Variants in PTPRD observed in about 807,000 individuals in gnomAD.
PTPRD encodes protein tyrosine phosphatase receptor type D.
In PTPRD, 34 loss-of-function variants were observed where a neutral mutation model predicts 214.5. That is an observed-to-expected ratio of 0.16 (90% CI 0.12 to 0.21). The LOEUF (loss-of-function observed/expected upper bound fraction) is 0.21, where lower values mean the gene tolerates loss of function less well. Among genes scored for constraint, PTPRD ranks in the 10% least tolerant of loss-of-function variants. The probability of loss-of-function intolerance (pLI) is 1.00; values close to 1 mark genes in which losing one functional copy is unlikely to be tolerated. For synonymous variants in PTPRD, 1,128 were observed against 845.7 expected (o/e 1.33, Z -5.79); for missense variants, 2,545 against 2,398.7 (o/e 1.06, Z -1.27).
chr9:9,064,020 T>C (rs183978968), intron 10 of PTPRD, among the ~76,000 whole-genome samples: 1 of 152,182 alleles, frequency 6.6e-6, no homozygotes. Flanking sequence ...TCAAGTTAGA[T>C]GCAAATTTTA....
chr9:9,951,530 C>A (rs1374567856), intron 4 of PTPRD, among the ~76,000 whole-genome samples: 1 of 152,204 alleles, frequency 6.6e-6, no homozygotes, highest in Non-Finnish European at 1.5e-5. Flanking sequence ...TCTTCTGAAT[C>A]CTCCTGGCTG....
At chr9:9,705,205 T>C (rs2097576531) in intron 7 of PTPRD, among the ~76,000 whole-genome samples, 1 of 152,216 alleles carries the variant, frequency 6.6e-6, no homozygotes. Context: ...AGATAATATT[T>C]CATAATGGTT....
In PTPRD at chr9:10,074,265, C is replaced by G. The variant is rs369937654; in HGVS notation, c.-544-40475G>C. 2.4e-4 allele frequency among the ~76,000 whole-genome samples: 37 copies of G among 152,190 alleles called. 2 individuals carry two copies. Among genetic ancestry groups the G allele is most frequent in the African/African-American group, 8.9e-4 (37 of 41,548 alleles). ...GCTTTATTTCTCATCTCTGCAGGCT[C>G]CTATAGTGGCCTGAGAATGTTTAGA... On this transcript the variant is annotated intron_variant, in intron 3 of 45. Transcript: ENST00000381196.
At chr9:10,421,828 A>AT (rs146179270) in intron 2 of PTPRD, among the ~76,000 whole-genome samples, 2,892 of 151,584 alleles carry the variant, frequency 0.019, 39 homozygotes, top group Non-Finnish European at 0.029. Flanking sequence ...CTATTTTTAT[A>AT]TTTTTTTCTG....
chr9:10,526,753 C>A (rs994814433), intron 2 of PTPRD, among the ~76,000 whole-genome samples: 13 of 152,048 alleles, frequency 8.5e-5, no homozygotes, highest in African/African-American at 3.1e-4. Context: ...TATTGAGGTT[C>A]CTTAAAGTTA....
intron 11 of PTPRD, among the ~76,000 whole-genome samples, chr9:8,883,706 C>T (rs573927782): frequency 1.3e-5 from 2 of 152,274 alleles, no homozygotes; most frequent in East Asian, 3.9e-4. Context: ...CCGTTGAGGA[C>T]TTTCTTTTAT....
intron 3 of PTPRD, among the ~76,000 whole-genome samples, chr9:10,195,350 T>G (rs2099393835): frequency 6.6e-6 from 1 of 152,150 alleles, no homozygotes; most frequent in Non-Finnish European, 1.5e-5. Context: ...TGCCCTCTTC[T>G]GTTTTGTTAG....
chr9:9,871,173 T>C (rs549018103), intron 5 of PTPRD, among the ~76,000 whole-genome samples: 197 of 152,268 alleles, frequency 1.3e-3, no homozygotes, highest in African/African-American at 4.3e-3. Flanking sequence ...AATAAAATAA[T>C]TTAGTCCTTA....
chr9:8,879,996 A>G lies in PTPRD; in HGVS notation c.-104+138701T>C, dbSNP rs73433170. ...CTGACTCCTTAAGTCAGAGTTTTCA[A>G]TTTAAACATTTCAACCATCTACTTG... is the stretch of plus-strand genomic sequence containing the variant. On this transcript the variant is annotated intron_variant, in intron 11 of 45. Transcript: ENST00000381196. 2.9e-3 allele frequency among the ~76,000 whole-genome samples: 443 copies of G among 152,280 alleles called. 1 individual carries two copies. The highest frequency in any genetic ancestry group is 9.8e-3 in the African/African-American group (409 of 41,546).
intron 9 of PTPRD, among the ~76,000 whole-genome samples, chr9:9,334,521 G>C (rs1345065692): frequency 6.6e-6 from 1 of 151,912 alleles, no homozygotes; most frequent in African/African-American, 2.4e-5. Flanking sequence ...TTGATGGTCT[G>C]GTGGGAAGAT....
chr9:10,563,998 A>G (rs2064825416), intron 2 of PTPRD, among the ~76,000 whole-genome samples: 1 of 151,108 alleles, frequency 6.6e-6, no homozygotes, highest in Non-Finnish European at 1.5e-5. Context: ...CCCTACCTAC[A>G]TCCTCTTTTT....
rs538930919 is a variant in PTPRD, at chr9:10,551,397, T to C, written c.-600+61001A>G. On this transcript the variant is annotated intron_variant, in intron 2 of 45. Transcript: ENST00000381196. ...TTACCACCGTGATTCATGTTCCTTG[T>C]GCTATGGTTTGAATGTCTATGTTCC... Among the ~76,000 whole-genome samples the C allele has an allele frequency of 2.0e-5, 3 of 151,844 alleles. No homozygotes were observed. In the South Asian group the frequency reaches 6.3e-4, roughly 32 times the overall value.
intron 2 of PTPRD, among the ~76,000 whole-genome samples, chr9:10,459,301 A>G (rs1031659131): frequency 6.6e-6 from 1 of 152,078 alleles, no homozygotes; most frequent in African/African-American, 2.4e-5. Flanking sequence ...TGTATTATTG[A>G]TGGGCATTTG....
chr9:10,285,833 T>C (rs544231769), intron 3 of PTPRD, among the ~76,000 whole-genome samples: 33 of 152,018 alleles, frequency 2.2e-4, no homozygotes, highest in African/African-American at 7.7e-4. Context: ...ATGGTTTCGA[T>C]CTCCTGACCT....
intron 3 of PTPRD, among the ~76,000 whole-genome samples, chr9:10,130,494 T>C (rs552619770): frequency 2.6e-5 from 4 of 152,132 alleles, no homozygotes; most frequent in Admixed American, 2.6e-4. Flanking sequence ...TGTGGGTTTT[T>C]TGAGGTCAAA....
intron 11 of PTPRD, among the ~76,000 whole-genome samples, chr9:8,818,245 A>C (rs2096963817): frequency 6.6e-6 from 1 of 152,230 alleles, no homozygotes; most frequent in Non-Finnish European, 1.5e-5. Context: ...ATTAAATGAT[A>C]GCATTTTACA....
At chr9:9,538,877 C>T (rs1311569760) in intron 8 of PTPRD, among the ~76,000 whole-genome samples, 9 of 151,732 alleles carry the variant, frequency 5.9e-5, no homozygotes, top group African/African-American at 1.5e-4. Context: ...AATATAATAA[C>T]ACTGGCATAA....
intron 2 of PTPRD, among the ~76,000 whole-genome samples, chr9:10,437,298 T>C (rs908981812): frequency 2.0e-5 from 3 of 151,850 alleles, no homozygotes; most frequent in Non-Finnish European, 2.9e-5. Flanking sequence ...AAATGTTACA[T>C]ACATTAAATA....
intron 33 of PTPRD, 112 bp downstream of exon 33, chr9:8,460,299 G>A (rs982348947): frequency 1.3e-5 from 16 of 1,207,644 alleles, no homozygotes; most frequent in Non-Finnish European, 1.8e-5. Context: ...AATTGAAATG[G>A]CACTGAAGTA....
Sources: allele counts gnomAD v4.1 joint callset (sites outside exome capture counted in the v4.1 genomes callset), GRCh38; gene constraint gnomAD v4.1.1; transcripts MANE v1.5; gene names NCBI Gene and HGNC (gene_info 2026-07-23, HGNC 2026-07-21).